DCC: variants seen among roughly 807,000 people sequenced by gnomAD.
DCC encodes DCC netrin 1 receptor.
Under a neutral mutation model 172.5 loss-of-function variants are expected in DCC, and 58 were observed. The observed-to-expected ratio is 0.34, with a 90% CI of 0.27 to 0.42. The LOEUF (loss-of-function observed/expected upper bound fraction) is 0.42, where lower values mean the gene tolerates loss of function less well. Ranked by LOEUF, DCC falls within the 10% of genes least tolerant of loss-of-function variation. DCC has a pLI of 1.00. For missense variants in DCC, 1,740 were observed against 1,791.0 expected (o/e 0.97, Z 0.51); for synonymous variants, 709 against 644.5 (o/e 1.10, Z -1.52).
intron 12 of DCC, among the ~76,000 whole-genome samples, chr18:53,258,287 C>A (rs1445147504): frequency 6.6e-6 from 1 of 151,732 alleles, no homozygotes; most frequent in Non-Finnish European, 1.5e-5. Flanking sequence ...TTTTCTAGTT[C>A]TTTTAATTGT....
chr18:52,720,729 A>T (rs565309915), intron 1 of DCC, among the ~76,000 whole-genome samples: 33 of 152,294 alleles, frequency 2.2e-4, no homozygotes, highest in Non-Finnish European at 2.4e-4. Context: ...AATTTGTATG[A>T]CCATTTAACT....
chr18:52,427,492 G>A (rs1987468464), intron 1 of DCC, among the ~76,000 whole-genome samples: 1 of 152,088 alleles, frequency 6.6e-6, no homozygotes, highest in African/African-American at 2.4e-5. Flanking sequence ...TGTCAGGTTT[G>A]CACAGTGGAG....
chr18:52,579,495 A>G (rs1365823289), intron 1 of DCC, among the ~76,000 whole-genome samples: 1 of 152,184 alleles, frequency 6.6e-6, no homozygotes, highest in Admixed American at 6.5e-5. Context: ...TAGTAATAAT[A>G]GTGATAAATC....
chr18:52,999,248 A>G (rs1228675865), intron 5 of DCC, among the ~76,000 whole-genome samples: 2 of 152,048 alleles, frequency 1.3e-5, no homozygotes, highest in Admixed American at 1.3e-4. Context: ...GCATGCTTCT[A>G]ACTGTAAAAC....
chr18:52,930,878 T>A (rs1316274190), intron 5 of DCC, among the ~76,000 whole-genome samples: 1 of 152,172 alleles, frequency 6.6e-6, no homozygotes, highest in Non-Finnish European at 1.5e-5. Context: ...AGACTTACAT[T>A]TTTATTCTAT....
intron 2 of DCC, among the ~76,000 whole-genome samples, chr18:52,881,739 T>A (rs2039488342): frequency 6.6e-6 from 1 of 152,076 alleles, no homozygotes; most frequent in South Asian, 2.1e-4. Context: ...GTAATGTGAT[T>A]ATTTTAGTTT....
chr18:53,169,381 C>T (rs867552126), intron 8 of DCC, among the ~76,000 whole-genome samples: 2 of 152,316 alleles, frequency 1.3e-5, no homozygotes, highest in South Asian at 4.1e-4. Context: ...GACAAGTTGT[C>T]TACAGACTTT....
intron 1 of DCC, among the ~76,000 whole-genome samples, chr18:52,441,646 T>C (rs2144496232): frequency 6.6e-6 from 1 of 152,282 alleles, no homozygotes; most frequent in South Asian, 2.1e-4. Context: ...TTTGTGTCTA[T>C]AGAGGTATTT....
chr18:52,783,469 C>T (rs2037593312), intron 2 of DCC, among the ~76,000 whole-genome samples: 2 of 150,926 alleles, frequency 1.3e-5, no homozygotes, highest in African/African-American at 4.9e-5. Context: ...CCTAACAACA[C>T]CCTCTAATTC....
At chr18:52,671,987 C>T (rs373032400) in intron 1 of DCC, among the ~76,000 whole-genome samples, 4 of 152,120 alleles carry the variant, frequency 2.6e-5, no homozygotes, top group African/African-American at 9.7e-5. Context: ...TTTATCGTGT[C>T]GACCCTTGCA....
intron 3 of DCC, among the ~76,000 whole-genome samples, chr18:52,916,386 G>C (rs1277504756): frequency 6.6e-6 from 1 of 152,124 alleles, no homozygotes. Flanking sequence ...TTTTAAGTTA[G>C]AAATTTGCAA....
At chr18:53,452,089 G>T (rs140586418) in intron 23 of DCC, among the ~76,000 whole-genome samples, 61 of 152,320 alleles carry the variant, frequency 4.0e-4, no homozygotes, top group African/African-American at 1.3e-3. Flanking sequence ...CTTCCACAGT[G>T]CAGGGCTGTT....
intron 15 of DCC, among the ~76,000 whole-genome samples, chr18:53,377,151 A>G (rs994464959): frequency 6.6e-6 from 1 of 152,224 alleles, no homozygotes; most frequent in African/African-American, 2.4e-5. Flanking sequence ...TTTAAGAATT[A>G]GACATGATAC....
chr18:53,466,992 A>G (rs1056050151), intron 24 of DCC, among the ~76,000 whole-genome samples: 3 of 152,198 alleles, frequency 2.0e-5, no homozygotes, highest in Non-Finnish European at 4.4e-5. Context: ...TAAAAAATGC[A>G]TGCATATGAT....
chr18:52,428,074 T>C (rs2144457930), intron 1 of DCC, among the ~76,000 whole-genome samples: 1 of 152,198 alleles, frequency 6.6e-6, no homozygotes, highest in Non-Finnish European at 1.5e-5. Context: ...CTACTGTCCT[T>C]ATCAATCTCT....
intron 12 of DCC, among the ~76,000 whole-genome samples, chr18:53,271,881 A>T (rs1343458370): frequency 2.0e-5 from 3 of 152,138 alleles, no homozygotes; most frequent in Non-Finnish European, 4.4e-5. Flanking sequence ...GTAATAACAG[A>T]TCACTGAATG....
chr18:53,352,670 C>A (rs1198358040), intron 15 of DCC, among the ~76,000 whole-genome samples: 1 of 152,048 alleles, frequency 6.6e-6, no homozygotes, highest in Non-Finnish European at 1.5e-5. Flanking sequence ...TCATCATATC[C>A]AATCTGTCAA....
intron 1 of DCC, among the ~76,000 whole-genome samples, chr18:52,466,567 C>T (rs985780565): frequency 6.6e-6 from 1 of 152,152 alleles, no homozygotes; most frequent in Admixed American, 6.5e-5. Context: ...ATGAATGCCA[C>T]ATTCTATACC....
Position 53,535,897 on chromosome 18 carries a change from A to C in DCC, c.*5244A>C, listed in dbSNP as rs1256806078. 6.6e-6 allele frequency: 1 copy of C among 152,184 alleles called. No homozygotes were observed. Among genetic ancestry groups the C allele is most frequent in the Non-Finnish European group, 1.5e-5 (1 of 68,022 alleles). 9.4% of individuals were successfully genotyped at this position (152,184 alleles called of 1,614,324 possible). ...TGTTTAATAAATAAAGTTTTGATACAAAGTTCTTTTTTCATGTTATTTATA... is the reference window on the plus strand; with the variant it reads ...TGTTTAATAAATAAAGTTTTGATACCAAGTTCTTTTTTCATGTTATTTATA... On this transcript the variant is annotated 3_prime_UTR_variant, in exon 29 of 29. Coordinates refer to ENST00000442544, the MANE Select transcript of DCC (RefSeq NM_005215.4).
Sources: allele counts gnomAD v4.1 joint callset (sites outside exome capture counted in the v4.1 genomes callset), GRCh38; gene constraint gnomAD v4.1.1; transcripts MANE v1.5; gene names NCBI Gene and HGNC (gene_info 2026-07-23, HGNC 2026-07-21).